POU2F1: variants seen among roughly 807,000 people sequenced by gnomAD.
POU2F1 encodes the protein POU class 2 homeobox 1, also known as POU domain, class 2, transcription factor 1.
A neutral mutation model predicts 84.9 loss-of-function variants in POU2F1; 16 were observed. The observed-to-expected ratio is 0.19, with a 90% CI of 0.13 to 0.29. POU2F1 has a LOEUF of 0.29. POU2F1 is among the 10% of genes least tolerant of loss of function. POU2F1 has a pLI of 1.00. For synonymous variants in POU2F1, 368 were observed against 368.3 expected, an observed-to-expected ratio of 1.00 and a Z score of 0.01; for missense variants, 738 against 942.6, an observed-to-expected ratio of 0.78 and a Z score of 2.84.
At chr1:167,385,798 T>G (rs962552038) in intron 8 of POU2F1, among the ~76,000 whole-genome samples, 3 of 152,070 alleles carry the variant, frequency 2.0e-5, no homozygotes, top group African/African-American at 7.2e-5. Flanking sequence ...ATCAAAAGCT[T>G]CTCTCAAGTG....
chr1:167,369,099 C>T (rs1239539257), intron 3 of POU2F1, among the ~76,000 whole-genome samples: 1 of 152,152 alleles, frequency 6.6e-6, no homozygotes, highest in African/African-American at 2.4e-5. Flanking sequence ...TTTATAGTCT[C>T]TTTCTCCCTC....
intron 1 of POU2F1, among the ~76,000 whole-genome samples, chr1:167,322,523 C>T (rs1571298888): frequency 6.6e-6 from 1 of 152,360 alleles, no homozygotes; most frequent in South Asian, 2.1e-4. Flanking sequence ...AAATCTACTG[C>T]AGCACTACCG....
chr1:167,296,879 C>G (rs1244226392), intron 1 of POU2F1, among the ~76,000 whole-genome samples: 1 of 152,002 alleles, frequency 6.6e-6, no homozygotes, highest in Non-Finnish European at 1.5e-5. Flanking sequence ...ATCATGAAGG[C>G]TGATTTTTAA....
intron 1 of POU2F1, 43 bp downstream of exon 1, chr1:167,221,001 C>A: frequency 6.7e-7 from 1 of 1,485,404 alleles, no homozygotes; most frequent in Non-Finnish European, 9.1e-7. Context: ...CATACTCAAC[C>A]CCGGCTCCCG....
intron 1 of POU2F1, among the ~76,000 whole-genome samples, chr1:167,229,714 T>C (rs1257213043): frequency 1.3e-5 from 2 of 152,224 alleles, no homozygotes. Context: ...ATTTTATTAC[T>C]TGTGCTGCTG....
intron 8 of POU2F1, among the ~76,000 whole-genome samples, chr1:167,388,932 T>C (rs887588310): frequency 6.6e-6 from 1 of 151,964 alleles, no homozygotes; most frequent in Non-Finnish European, 1.5e-5. Flanking sequence ...TTAATTTTTA[T>C]TTTTTAGAGA....
At chr1:167,233,439 A>G (rs1286039575) in intron 1 of POU2F1, among the ~76,000 whole-genome samples, 1 of 151,986 alleles carries the variant, frequency 6.6e-6, no homozygotes, top group Non-Finnish European at 1.5e-5. Flanking sequence ...TGCCTGGCCT[A>G]GGTATTTTTA....
intron 1 of POU2F1, among the ~76,000 whole-genome samples, chr1:167,327,622 T>G (rs1387096311): frequency 6.6e-6 from 1 of 152,206 alleles, no homozygotes; most frequent in Admixed American, 6.5e-5. Flanking sequence ...AGTGCACTCT[T>G]CTGTGTATCT....
chr1:167,307,100 T>G (rs1353204110), intron 1 of POU2F1, among the ~76,000 whole-genome samples: 2 of 152,184 alleles, frequency 1.3e-5, no homozygotes, highest in Admixed American at 6.5e-5. Flanking sequence ...CTGGGGAGAT[T>G]TTATTTTAAA....
chr1:167,388,678 C>G (rs891727237), intron 8 of POU2F1, among the ~76,000 whole-genome samples: 28 of 152,258 alleles, frequency 1.8e-4, no homozygotes, highest in Admixed American at 9.8e-4. Flanking sequence ...AATAAAAATG[C>G]TATATATCCA....
intron 1 of POU2F1, among the ~76,000 whole-genome samples, chr1:167,284,359 C>G (rs1653371828): frequency 6.6e-6 from 1 of 152,188 alleles, no homozygotes; most frequent in South Asian, 2.1e-4. Context: ...AGCTGGTGCT[C>G]TGATAGACCA....
At chr1:167,329,489 C>T (rs1571311721) in intron 1 of POU2F1, among the ~76,000 whole-genome samples, 1 of 152,228 alleles carries the variant, frequency 6.6e-6, no homozygotes, top group Admixed American at 6.5e-5. Context: ...GCAGTAGGTC[C>T]CTCCCTGTGA....
At chr1:167,395,666 A>T (rs566984060) in intron 9 of POU2F1, among the ~76,000 whole-genome samples, 8 of 152,192 alleles carry the variant, frequency 5.3e-5, no homozygotes, top group African/African-American at 1.9e-4. Context: ...GTGCGGTGCC[A>T]TGATCACGGC....
chr1:167,247,036 A>ATG (rs774656273), intron 1 of POU2F1, among the ~76,000 whole-genome samples: 59 of 143,614 alleles, frequency 4.1e-4, no homozygotes, highest in African/African-American at 1.3e-3. Flanking sequence ...GGTTATATAT[A>ATG]TATGTGTGTG....
In POU2F1 at chr1:167,370,215, G is replaced by A; in HGVS notation, c.282+1G>A. ...TGCTGCTCAGTCTTTAAATGTACAG[G>A]TAAGCTGGGACCTGGGATTATGGGT... On this transcript the variant is annotated splice_donor_variant, in intron 4 of 15. Transcript: ENST00000367866. LOFTEE classifies it high-confidence loss of function. The A allele has an allele frequency of 6.3e-7, 1 of 1,597,188 alleles. No individual in the cohort carries two copies. Among genetic ancestry groups the A allele is most frequent in the African/African-American group, 1.3e-5 (1 of 74,846 alleles).
chr1:167,357,800 G>A (rs1268400604), intron 2 of POU2F1, among the ~76,000 whole-genome samples: 1 of 140,560 alleles, frequency 7.1e-6, no homozygotes, highest in Non-Finnish European at 1.5e-5. Flanking sequence ...CTTATTAATT[G>A]ATTTTTTTTT....
chr1:167,245,470 A>G (rs945423556), intron 1 of POU2F1, among the ~76,000 whole-genome samples: 10 of 149,710 alleles, frequency 6.7e-5, no homozygotes, highest in African/African-American at 2.0e-4. Context: ...CTGGAGTGCA[A>G]TGGTGTGATC....
intron 13 of POU2F1, 101 bp from the exon 14 acceptor site, chr1:167,411,858 A>G: frequency 9.5e-7 from 1 of 1,053,482 alleles, no homozygotes; most frequent in Non-Finnish European, 1.4e-6. Context: ...ACTAGGTGGT[A>G]GGTTAATTAT....
At chr1:167,374,355 T>G in intron 6 of POU2F1, 59 bp downstream of exon 6, 1 of 1,470,428 alleles carries the variant, frequency 6.8e-7, no homozygotes. Context: ...GCAGGTTTTA[T>G]TTAATGTTAG....
Sources: gnomAD v4.1 joint callset for allele counts (sites outside exome capture counted in the v4.1 genomes callset) on GRCh38, gnomAD v4.1.1 for gene constraint, MANE v1.5 for transcripts, NCBI Gene and HGNC (gene_info 2026-07-23, HGNC 2026-07-21) for gene names.